The following FHIT variants were observed in gnomAD, a reference collection of about 807,000 sequenced individuals.
The protein encoded by FHIT is bis(5'-adenosyl)-triphosphatase.
In FHIT, 19 loss-of-function variants were observed where a neutral mutation model predicts 17.9. That is an observed-to-expected ratio of 1.06 (90% CI 0.74 to 1.56). FHIT has a LOEUF of 1.56. Ranked by LOEUF, FHIT falls within the 40% of genes most tolerant of loss-of-function variation. The pLI is 0.00. For synonymous variants in FHIT, 81 were observed against 69.7 expected, an observed-to-expected ratio of 1.16 and a Z score of -0.81; for missense variants, 248 against 189.2, an observed-to-expected ratio of 1.31 and a Z score of -1.82.
intron 3 of FHIT, among the ~76,000 whole-genome samples, chr3:61,026,647 C>T (rs1203325863): frequency 1.5e-5 from 2 of 137,682 alleles, no homozygotes; most frequent in Non-Finnish European, 3.1e-5. Context: ...CATTATGAGA[C>T]CTTTTTTTTG....
At chr3:60,767,704 A>C (rs1699902998) in intron 4 of FHIT, among the ~76,000 whole-genome samples, 3 of 152,350 alleles carry the variant, frequency 2.0e-5, no homozygotes, top group Admixed American at 2.0e-4. Flanking sequence ...AATAAGAAAG[A>C]GGCTTTGGCA....
At chr3:60,205,365 G>T (rs976082430) in intron 5 of FHIT, among the ~76,000 whole-genome samples, 9 of 152,140 alleles carry the variant, frequency 5.9e-5, no homozygotes, top group Admixed American at 2.6e-4. Context: ...TAACATATTA[G>T]CAGGTTGACA....
In FHIT at chr3:59,967,452, C is replaced by T. The variant is rs181569147; in HGVS notation, c.279+43919G>A. On this transcript the variant is annotated intron_variant, in intron 7 of 9. Coordinates refer to ENST00000492590, the MANE Select transcript of FHIT (RefSeq NM_002012.4). ...AAGGGAATAATGCAATGGACTACAACGTAAAGACAGCTACGACATTGCAAG... is the reference window on the plus strand; with the variant it reads ...AAGGGAATAATGCAATGGACTACAATGTAAAGACAGCTACGACATTGCAAG... Among the ~76,000 whole-genome samples the T allele has an allele frequency of 2.8e-3, 432 of 152,216 alleles. 1 individual carries two copies. The highest frequency in any genetic ancestry group is 6.8e-3 in the Middle Eastern group (2 of 294).
intron 7 of FHIT, among the ~76,000 whole-genome samples, chr3:59,944,872 G>T (rs1406351093): frequency 4.6e-5 from 7 of 152,046 alleles, no homozygotes; most frequent in African/African-American, 1.7e-4. Flanking sequence ...CTTTTTTGTG[G>T]CTGCATAGTA....
chr3:60,368,947 TA>T (rs1700216666), intron 5 of FHIT, among the ~76,000 whole-genome samples: 1 of 151,964 alleles, frequency 6.6e-6, no homozygotes, highest in Non-Finnish European at 1.5e-5. Flanking sequence ...CTCCATTCAG[TA>T]TATTTCAATC....
At chr3:60,791,939 A>G (rs1170772971) in intron 4 of FHIT, among the ~76,000 whole-genome samples, 1 of 152,228 alleles carries the variant, frequency 6.6e-6, no homozygotes, top group Non-Finnish European at 1.5e-5. Context: ...CTATTTTATC[A>G]TATTCAATTG....
At chr3:60,284,533 T>A (rs899102561) in intron 5 of FHIT, among the ~76,000 whole-genome samples, 1 of 152,108 alleles carries the variant, frequency 6.6e-6, no homozygotes, top group Non-Finnish European at 1.5e-5. Flanking sequence ...AAGAGAGAAA[T>A]CATGTTATGA....
chr3:61,247,651 T>C (rs1468881194), intron 1 of FHIT, among the ~76,000 whole-genome samples: 2 of 152,230 alleles, frequency 1.3e-5, no homozygotes, highest in East Asian at 3.8e-4. Flanking sequence ...TTAAATGTGA[T>C]GACCAAGTGT....
At chr3:60,743,861 T>C (rs975603577) in intron 4 of FHIT, among the ~76,000 whole-genome samples, 2 of 152,178 alleles carry the variant, frequency 1.3e-5, no homozygotes, top group African/African-American at 4.8e-5. Context: ...TTTTTGTCTC[T>C]CAGCTCAGCT....
chr3:61,077,391 A>G (rs2035002648), intron 2 of FHIT, among the ~76,000 whole-genome samples: 1 of 152,102 alleles, frequency 6.6e-6, no homozygotes, highest in Admixed American at 6.6e-5. Flanking sequence ...AAGGCGAGAA[A>G]TTAGAGTGAG....
chr3:60,322,790 T>C (rs1230459145), intron 5 of FHIT, among the ~76,000 whole-genome samples: 1 of 152,178 alleles, frequency 6.6e-6, no homozygotes. Context: ...GGAAGTACTA[T>C]TTTTGTGCCC....
At chr3:60,463,864 G>A (rs1320342183) in intron 5 of FHIT, among the ~76,000 whole-genome samples, 1 of 152,172 alleles carries the variant, frequency 6.6e-6, no homozygotes, top group African/African-American at 2.4e-5. Context: ...CACAGGGCCT[G>A]ACACAATAAA....
intron 8 of FHIT, among the ~76,000 whole-genome samples, chr3:59,865,176 G>A (rs1702587705): frequency 6.6e-6 from 1 of 152,340 alleles, no homozygotes; most frequent in Middle Eastern, 3.4e-3. Context: ...CTAAACTGGT[G>A]AGTTGGGTTA....
chr3:60,774,120 C>T (rs1405394393), intron 4 of FHIT, among the ~76,000 whole-genome samples: 3 of 152,086 alleles, frequency 2.0e-5, no homozygotes, highest in Non-Finnish European at 4.4e-5. Flanking sequence ...AATGGTTTCA[C>T]ATGCCTTATT....
At chr3:61,126,276 C>T (rs2036604530) in intron 2 of FHIT, among the ~76,000 whole-genome samples, 1 of 152,096 alleles carries the variant, frequency 6.6e-6, no homozygotes, top group Admixed American at 6.6e-5. Flanking sequence ...GTCTTCATGC[C>T]TTTGGGGTCT....
chr3:60,005,218 G>A (rs756088105), intron 7 of FHIT, among the ~76,000 whole-genome samples: 5 of 152,176 alleles, frequency 3.3e-5, no homozygotes, highest in East Asian at 1.9e-4. Flanking sequence ...AAATAAGAAC[G>A]TGAAAATACT....
intron 5 of FHIT, among the ~76,000 whole-genome samples, chr3:60,336,587 T>G (rs1214338364): frequency 6.6e-6 from 1 of 152,150 alleles, no homozygotes; most frequent in African/African-American, 2.4e-5. Flanking sequence ...CTATCCAATA[T>G]GGTAGCCACC....
At chr3:61,004,887 C>T (rs1467113291) in intron 3 of FHIT, among the ~76,000 whole-genome samples, 2 of 152,158 alleles carry the variant, frequency 1.3e-5, no homozygotes, top group Non-Finnish European at 2.9e-5. Flanking sequence ...ATACCTCAAA[C>T]ATAGTAAGTA....
intron 4 of FHIT, among the ~76,000 whole-genome samples, chr3:60,722,903 T>C (rs1463589902): frequency 6.6e-6 from 1 of 152,058 alleles, no homozygotes; most frequent in Non-Finnish European, 1.5e-5. Context: ...TTTGTAGTTT[T>C]AGTAGAGACT....
Sources: gnomAD v4.1 joint callset for allele counts (sites outside exome capture counted in the v4.1 genomes callset) on GRCh38, gnomAD v4.1.1 for gene constraint, MANE v1.5 for transcripts, NCBI Gene and HGNC (gene_info 2026-07-23, HGNC 2026-07-21) for gene names.